WWOX: variants seen among roughly 807,000 people sequenced by gnomAD.
WWOX encodes WW domain-containing oxidoreductase.
Under a neutral mutation model 46.2 loss-of-function variants are expected in WWOX, and 69 were observed. The observed-to-expected ratio is 1.49, with a 90% CI of 1.23 to 1.82. The LOEUF (loss-of-function observed/expected upper bound fraction) is 1.82, where lower values mean the gene tolerates loss of function less well. Among genes scored for constraint, WWOX ranks in the 40% most tolerant of loss-of-function variants. The pLI is 0.00. For missense variants in WWOX, 919 were observed against 542.6 expected, an observed-to-expected ratio of 1.69 and a Z score of -6.89; for synonymous variants, 359 against 202.6, an observed-to-expected ratio of 1.77 and a Z score of -6.56.
At chr16:79,098,207 A>G (rs894192623) in intron 8 of WWOX, among the ~76,000 whole-genome samples, 1 of 152,202 alleles carries the variant, frequency 6.6e-6, no homozygotes, top group African/African-American at 2.4e-5. Context: ...CCAGAGAGAC[A>G]TTCATTTGAT....
intron 8 of WWOX, among the ~76,000 whole-genome samples, chr16:78,826,300 C>T (rs894949049): frequency 4.6e-5 from 7 of 152,146 alleles, no homozygotes; most frequent in African/African-American, 1.2e-4. Flanking sequence ...GAGCCAAGAT[C>T]GTGCCATTGC....
intron 8 of WWOX, among the ~76,000 whole-genome samples, chr16:78,675,243 A>G (rs1417861540): frequency 6.6e-6 from 1 of 152,166 alleles, no homozygotes; most frequent in Non-Finnish European, 1.5e-5. Context: ...ACGTGGAATC[A>G]AGCAGAGAAG....
chr16:78,648,110 A>T (rs546442297), intron 8 of WWOX, among the ~76,000 whole-genome samples: 71 of 152,364 alleles, frequency 4.7e-4, no homozygotes, highest in Non-Finnish European at 4.3e-4. Context: ...AGAGAAAATC[A>T]GTCAGACAGG....
chr16:78,862,077 T>TAC (rs2043897227), intron 8 of WWOX, among the ~76,000 whole-genome samples: 2 of 152,028 alleles, frequency 1.3e-5, no homozygotes, highest in African/African-American at 4.8e-5. Flanking sequence ...TGCATATCTA[T>TAC]ACACACCTAC....
chr16:79,138,806 C>G (rs574989233), intron 8 of WWOX, among the ~76,000 whole-genome samples: 2 of 152,272 alleles, frequency 1.3e-5, no homozygotes, highest in East Asian at 3.9e-4. Context: ...GAGATGCAGG[C>G]CCACAGTAGG....
intron 8 of WWOX, among the ~76,000 whole-genome samples, chr16:78,938,898 G>A (rs1006104152): frequency 1.3e-5 from 2 of 152,190 alleles, no homozygotes; most frequent in African/African-American, 4.8e-5. Context: ...GTGGGTACTG[G>A]AGAGTGGGAG....
At chr16:78,290,895 C>G (rs1347318568) in intron 5 of WWOX, among the ~76,000 whole-genome samples, 1 of 152,046 alleles carries the variant, frequency 6.6e-6, no homozygotes, top group African/African-American at 2.4e-5. Flanking sequence ...TATTTCGTTG[C>G]TAAGGCAAAG....
chr16:78,573,202 C>T (rs574320421), intron 8 of WWOX, among the ~76,000 whole-genome samples: 18 of 152,248 alleles, frequency 1.2e-4, no homozygotes, highest in Admixed American at 7.8e-4. Flanking sequence ...AGGAGAATGG[C>T]GTGAACCCAG....
At chr16:78,751,389 C>A (rs909930523) in intron 8 of WWOX, among the ~76,000 whole-genome samples, 9 of 145,894 alleles carry the variant, frequency 6.2e-5, no homozygotes, top group Non-Finnish European at 1.2e-4. Context: ...CTCTGTCCTG[C>A]AACATAACTG....
At position 78,465,455 on chromosome 16, in the gene WWOX, C is replaced by T. The variant is rs546277415; in HGVS notation, c.1056+32703C>T. ...TCGGCCTCCCGAAGTGCTGGGATTA[C>T]AGGTGTGAGCCACCACACCCAGCCT... On this transcript the variant is annotated intron_variant, in intron 8 of 8. Transcript: ENST00000566780. Among the ~76,000 whole-genome samples, 27 of 152,334 alleles carry T rather than the reference C, an allele frequency of 1.8e-4. No homozygotes were observed. The East Asian group carries it at 4.1e-3, about 23-fold the overall frequency.
At chr16:78,558,783 C>T (rs1472074727) in intron 8 of WWOX, among the ~76,000 whole-genome samples, 1 of 152,222 alleles carries the variant, frequency 6.6e-6, no homozygotes, top group Non-Finnish European at 1.5e-5. Context: ...CATTCTTCTG[C>T]CTAGAGTATG....
At chr16:78,541,033 T>G (rs2043879519) in intron 8 of WWOX, among the ~76,000 whole-genome samples, 2 of 152,042 alleles carry the variant, frequency 1.3e-5, no homozygotes, top group African/African-American at 2.4e-5. Flanking sequence ...GGAGGTGGCG[T>G]GGGTAGATAC....
chr16:79,035,088 A>C (rs909020311), intron 8 of WWOX, among the ~76,000 whole-genome samples: 8 of 152,218 alleles, frequency 5.3e-5, no homozygotes, highest in Non-Finnish European at 8.8e-5. Flanking sequence ...AGTGAAACAA[A>C]CAAACAAATA....
chr16:79,141,799 G>T (rs1298559719), intron 8 of WWOX, among the ~76,000 whole-genome samples: 1 of 152,060 alleles, frequency 6.6e-6, no homozygotes, highest in East Asian at 1.9e-4. Flanking sequence ...GTTGTGATAA[G>T]CCCGTCTAGC....
intron 4 of WWOX, among the ~76,000 whole-genome samples, chr16:78,118,691 C>G (rs373431625): frequency 7.9e-5 from 12 of 152,124 alleles, no homozygotes; most frequent in African/African-American, 2.9e-4. Flanking sequence ...TGGCCTTTCC[C>G]AGAAAAAAGT....
intron 5 of WWOX, among the ~76,000 whole-genome samples, chr16:78,326,247 A>G (rs2080611396): frequency 1.3e-5 from 2 of 152,230 alleles, no homozygotes; most frequent in African/African-American, 4.8e-5. Flanking sequence ...AGGGCAAAAC[A>G]CAACGGTTGC....
At chr16:78,633,201 G>A (rs1404891598) in intron 8 of WWOX, among the ~76,000 whole-genome samples, 1 of 152,124 alleles carries the variant, frequency 6.6e-6, no homozygotes, top group Non-Finnish European at 1.5e-5. Flanking sequence ...GGCAGAGGTT[G>A]CAGTGAGCTG....
chr16:78,624,403 A>G (rs2151648783), intron 8 of WWOX, among the ~76,000 whole-genome samples: 1 of 152,242 alleles, frequency 6.6e-6, no homozygotes, highest in South Asian at 2.1e-4. Flanking sequence ...GAAGATTTGG[A>G]CGGTTTGCTT....
intron 4 of WWOX, among the ~76,000 whole-genome samples, chr16:78,127,162 G>A: frequency 6.6e-6 from 1 of 152,128 alleles, no homozygotes; most frequent in East Asian, 1.9e-4. Flanking sequence ...CAGAACTCCT[G>A]TTCCACCTCT....
Sources: allele counts gnomAD v4.1 joint callset (sites outside exome capture counted in the v4.1 genomes callset), GRCh38; gene constraint gnomAD v4.1.1; transcripts MANE v1.5; gene names NCBI Gene and HGNC (gene_info 2026-07-23, HGNC 2026-07-21).